The following CFI variants were observed in gnomAD, a reference collection of about 807,000 sequenced individuals.
The protein encoded by CFI is C3B/C4B inactivator.
Under a neutral mutation model 78.8 loss-of-function variants are expected in CFI, and 66 were observed. That is an observed-to-expected ratio of 0.84 (90% confidence interval 0.69 to 1.03). The LOEUF (loss-of-function observed/expected upper bound fraction) is 1.03, where lower values mean the gene tolerates loss of function less well. Among genes scored for constraint, CFI ranks in the 50% least tolerant of loss-of-function variants. The pLI is 0.00. For missense variants in CFI, 706 were observed against 704.5 expected (o/e 1.00, Z -0.02); for synonymous variants, 250 against 232.6 (o/e 1.07, Z -0.68).
intron 8 of CFI, among the ~76,000 whole-genome samples, chr4:109,751,276 G>A (rs1453849343): frequency 1.3e-5 from 2 of 151,892 alleles, no homozygotes; most frequent in African/African-American, 4.8e-5. Context: ...GAGTGTGATG[G>A]TAAGTTTTTG....
intron 1 of CFI, among the ~76,000 whole-genome samples, chr4:109,785,375 T>C (rs9994307): frequency 0.1 from 15,698 of 152,108 alleles, 1,842 homozygotes; most frequent in African/African-American, 0.28. Flanking sequence ...TGTTAAAATA[T>C]TATCTTTGTG....
chr4:109,800,752 T>C lies in CFI; in HGVS notation c.57+1163A>G, dbSNP rs142251278. On this transcript the variant is annotated intron_variant, in intron 1 of 12. Transcript: ENST00000394634. ...ATATATAAGTAGGTATAAGTATGCATTTATATATATGCATATAAACACACA... is the reference window on the plus strand; with the variant it reads ...ATATATAAGTAGGTATAAGTATGCACTTATATATATGCATATAAACACACA... Among the ~76,000 whole-genome samples the C allele has an allele frequency of 4.9e-3, 742 of 152,208 alleles. 2 individuals carry two copies. Among genetic ancestry groups the C allele is most frequent in the Middle Eastern group, 0.041 (12 of 294 alleles).
At chr4:109,738,404 G>T (rs181992641), downstream of CFI, among the ~76,000 whole-genome samples, 1 of 152,078 alleles carries the variant, frequency 6.6e-6, no homozygotes, top group Non-Finnish European at 1.5e-5. Context: ...GATCCACTGC[G>T]CCCAGCCACT....
chr4:109,762,813 T>C (rs1409608326), intron 3 of CFI, among the ~76,000 whole-genome samples: 1 of 152,204 alleles, frequency 6.6e-6, no homozygotes, highest in African/African-American at 2.4e-5. Flanking sequence ...GCCATCTTCT[T>C]CCTCAATGAG....
chr4:109,774,961 C>T (rs1186237521), intron 1 of CFI, among the ~76,000 whole-genome samples: 1 of 152,104 alleles, frequency 6.6e-6, no homozygotes, highest in African/African-American at 2.4e-5. Flanking sequence ...CTTAGCACTG[C>T]CTTTCCTGTA....
chr4:109,774,556 AG>A (rs1211205347), intron 1 of CFI, among the ~76,000 whole-genome samples: 1 of 152,162 alleles, frequency 6.6e-6, no homozygotes, highest in East Asian at 1.9e-4. Flanking sequence ...GGAGGAGATC[AG>A]GTCACAGAAT....
chr4:109,743,826 C>T (rs1472669306), intron 11 of CFI, among the ~76,000 whole-genome samples: 4 of 151,932 alleles, frequency 2.6e-5, no homozygotes, highest in African/African-American at 9.7e-5. Context: ...GGCAAAATCC[C>T]ATCTCTACAA....
intron 1 of CFI, among the ~76,000 whole-genome samples, chr4:109,787,381 T>G (rs1040413219): frequency 1.4e-4 from 21 of 152,058 alleles, no homozygotes; most frequent in Non-Finnish European, 1.5e-4. Context: ...TTACTAGCAA[T>G]TTTTCTTCCA....
chr4:109,760,770 A>G (rs1436683478), intron 4 of CFI, 134 bp from the exon 5 acceptor site: 1 of 691,742 alleles, frequency 1.4e-6, no homozygotes, highest in Non-Finnish European at 2.7e-6. Flanking sequence ...TATTGGTATT[A>G]TCAACATAGT....
At position 109,760,350 on chromosome 4, in the gene CFI, G is replaced by A. The variant is rs2126213962; in HGVS notation, c.803C>T (p.Ser268Leu). The stretch of plus-strand genomic sequence containing the variant: ...ATACTGGCTTGGAATGCAAACACCC[G>A]ATTTGCAATGGAAGCCTTTGCCTTG... ...ACQGKGFHCK[S>L]GVCIPSQYQC... is the part of the protein sequence containing the mutation. The change falls in exon 6 of 13, where the codon TCG becomes TTG. Residue 268 changes from serine (S) to leucine (L), a missense_variant. Physicochemically the swap from Ser to Leu is moderately radical, Grantham distance 145. Coordinates refer to ENST00000394634, the MANE Select transcript of CFI (RefSeq NM_000204.5). 3 of 1,613,924 alleles carry A rather than the reference G, an allele frequency of 1.9e-6. No homozygotes were observed. The highest frequency in any genetic ancestry group is 1.6e-4 in the Middle Eastern group (1 of 6,062).
At chr4:109,772,340 A>G (rs889821535) in intron 1 of CFI, among the ~76,000 whole-genome samples, 2 of 152,274 alleles carry the variant, frequency 1.3e-5, no homozygotes, top group African/African-American at 4.8e-5. Context: ...TTGTAAATGC[A>G]TGTGTACACC....
chr4:109,771,098 G>A (rs78806797), intron 1 of CFI, among the ~76,000 whole-genome samples: 9,560 of 152,092 alleles, frequency 0.063, 418 homozygotes, highest in Non-Finnish European at 0.094. Flanking sequence ...CAGTAGGGAA[G>A]TAGAAGATTA....
At chr4:109,738,300 T>G (rs940339226), downstream of CFI, among the ~76,000 whole-genome samples, 2 of 151,866 alleles carry the variant, frequency 1.3e-5, no homozygotes, top group South Asian at 2.1e-4. Context: ...GTGATAGAGA[T>G]GGGGTCTTGC....
intron 1 of CFI, among the ~76,000 whole-genome samples, chr4:109,776,630 A>G (rs1729281608): frequency 6.6e-6 from 1 of 152,214 alleles, no homozygotes; most frequent in African/African-American, 2.4e-5. Flanking sequence ...AATGCCACAA[A>G]GATACTCCTC....
chr4:109,737,319 A>G (rs903600630), downstream of CFI, among the ~76,000 whole-genome samples: 2 of 152,008 alleles, frequency 1.3e-5, no homozygotes, highest in Non-Finnish European at 2.9e-5. Context: ...GTGTGTGGTT[A>G]GCTCCTCACA....
At chr4:109,741,726 T>C (rs1241850510) in intron 12 of CFI, 1 of 155,198 alleles carries the variant, frequency 6.4e-6, no homozygotes, top group East Asian at 1.9e-4. Flanking sequence ...GGACACTTTC[T>C]TCTTACTCAT....
chr4:109,734,343 T>C, the CFI span, among the ~76,000 whole-genome samples: 1 of 152,104 alleles, frequency 6.6e-6, no homozygotes, highest in South Asian at 2.1e-4. Context: ...TATTCTGGTG[T>C]GTCAAAGAAA....
At chr4:109,761,142 A>G (rs1334785435) in intron 4 of CFI, among the ~76,000 whole-genome samples, 1 of 152,218 alleles carries the variant, frequency 6.6e-6, no homozygotes, top group Non-Finnish European at 1.5e-5. Context: ...AAACTGAGGC[A>G]CCAATGTGGT....
At chr4:109,793,026 T>C (rs1731576524) in intron 1 of CFI, among the ~76,000 whole-genome samples, 1 of 152,212 alleles carries the variant, frequency 6.6e-6, no homozygotes, top group Non-Finnish European at 1.5e-5. Flanking sequence ...GTCTTATACC[T>C]TTTTTGTTTC....
Sources: gnomAD v4.1 joint callset for allele counts (sites outside exome capture counted in the v4.1 genomes callset) on GRCh38, gnomAD v4.1.1 for gene constraint, MANE v1.5 for transcripts, NCBI Gene and HGNC (gene_info 2026-07-23, HGNC 2026-07-21) for gene names.